The following MGMT variants were observed in gnomAD, a reference collection of about 807,000 sequenced individuals.
The protein encoded by MGMT is O-6-methylguanine-DNA methyltransferase.
Under a neutral mutation model 15.9 loss-of-function variants are expected in MGMT, and 14 were observed. The observed-to-expected ratio is 0.88, with a 90% confidence interval of 0.58 to 1.37. The LOEUF (loss-of-function observed/expected upper bound fraction) is 1.37, where lower values mean the gene tolerates loss of function less well. MGMT is among the 40% of genes most tolerant of loss of function. MGMT has a pLI of 0.00. For synonymous variants in MGMT, 130 were observed against 118.2 expected, an observed-to-expected ratio of 1.10 and a Z score of -0.65; for missense variants, 282 against 268.1, an observed-to-expected ratio of 1.05 and a Z score of -0.36.
chr10:129,543,819 A>C (rs1846070674), intron 2 of MGMT, among the ~76,000 whole-genome samples: 1 of 152,232 alleles, frequency 6.6e-6, no homozygotes, highest in African/African-American at 2.4e-5. Flanking sequence ...ATTTAATTTT[A>C]AGTCTGCCAG....
At chr10:129,647,560 T>C (rs1426554407) in intron 2 of MGMT, among the ~76,000 whole-genome samples, 2 of 152,164 alleles carry the variant, frequency 1.3e-5, no homozygotes, top group Admixed American at 1.3e-4. Flanking sequence ...AGAAGAACTA[T>C]TTCACCAGCC....
rs551245952 is a variant in MGMT at position 129,659,289 on chromosome 10, G to A, written c.126-48606G>A. ...GGAGAATTGCTTGAACCTGGGAGGCGGAGGTTGCAGTGAGCCAAGATCGCA... is the reference window on the plus strand; with the variant it reads ...GGAGAATTGCTTGAACCTGGGAGGCAGAGGTTGCAGTGAGCCAAGATCGCA... On this transcript the variant is annotated intron_variant, in intron 2 of 4. Coordinates refer to ENST00000651593, the MANE Select transcript of MGMT (RefSeq NM_002412.5). The surrounding 1 kb of genome is among the most constrained non-coding windows in gnomAD (Gnocchi z 4.1). 9.2e-5 allele frequency among the ~76,000 whole-genome samples: 14 copies of A among 151,832 alleles called. No individual in the cohort carries two copies. Among genetic ancestry groups the A allele is most frequent in the African/African-American group, 3.2e-4 (13 of 41,224 alleles).
chr10:129,514,079 C>T (rs1433345432), intron 1 of MGMT, among the ~76,000 whole-genome samples: 2 of 152,226 alleles, frequency 1.3e-5, no homozygotes, highest in African/African-American at 4.8e-5. Flanking sequence ...AGATTTTCAT[C>T]TGTGAATGTT....
chr10:129,631,891 A>G (rs2133083241), intron 2 of MGMT, among the ~76,000 whole-genome samples: 1 of 152,352 alleles, frequency 6.6e-6, no homozygotes, highest in East Asian at 1.9e-4. Flanking sequence ...TTTATGTTTT[A>G]TCAGTCCTTC....
chr10:129,731,581 A>G (rs147328690), intron 3 of MGMT, among the ~76,000 whole-genome samples: 174 of 151,850 alleles, frequency 1.1e-3, no homozygotes, highest in African/African-American at 3.7e-3. Context: ...TTTTTAGTAG[A>G]GTTGCGGTTT....
At chr10:129,633,074 G>T (rs1183514533) in intron 2 of MGMT, among the ~76,000 whole-genome samples, 2 of 152,160 alleles carry the variant, frequency 1.3e-5, no homozygotes, top group Non-Finnish European at 2.9e-5. Context: ...GGATGTTTTT[G>T]TATGATGCTG....
chr10:129,671,315 A>G lies in MGMT; in HGVS notation c.126-36580A>G, dbSNP rs555650718. On this transcript the variant is annotated intron_variant, in intron 2 of 4. Transcript: ENST00000651593. Reference sequence around the variant, plus strand: ...GCTGTCACCTTGGTAGCTTGAAGTCAGTCCTGGTAGGAATATTTACACAGC... The same window carrying G: ...GCTGTCACCTTGGTAGCTTGAAGTCGGTCCTGGTAGGAATATTTACACAGC... 1.1e-4 allele frequency among the ~76,000 whole-genome samples: 16 copies of G among 152,340 alleles called. No homozygotes were observed. In the South Asian group the frequency reaches 3.3e-3, roughly 32 times the overall value.
intron 1 of MGMT, among the ~76,000 whole-genome samples, chr10:129,502,925 C>G (rs1295695082): frequency 6.6e-6 from 1 of 152,076 alleles, no homozygotes; most frequent in Non-Finnish European, 1.5e-5. Flanking sequence ...CAGAGAAGCA[C>G]TTTTTCTTTT....
chr10:129,746,730 A>AATT (rs1564783577), intron 3 of MGMT, among the ~76,000 whole-genome samples: 1 of 152,116 alleles, frequency 6.6e-6, no homozygotes, highest in East Asian at 1.9e-4. Flanking sequence ...GCAAATACAT[A>AATT]ATTATTATTA....
intron 3 of MGMT, among the ~76,000 whole-genome samples, chr10:129,741,668 G>T (rs983951839): frequency 2.6e-5 from 4 of 152,196 alleles, no homozygotes; most frequent in Non-Finnish European, 5.9e-5. Context: ...GATATTTCGA[G>T]TGGGGTCACC....
chr10:129,499,859 A>G (rs1845557952), intron 1 of MGMT, among the ~76,000 whole-genome samples: 1 of 152,238 alleles, frequency 6.6e-6, no homozygotes, highest in Non-Finnish European at 1.5e-5. Flanking sequence ...AAAGACTGTG[A>G]AGTAGCTGAC....
chr10:129,503,657 C>T (rs1845597242), intron 1 of MGMT, among the ~76,000 whole-genome samples: 1 of 152,194 alleles, frequency 6.6e-6, no homozygotes, highest in Admixed American at 6.5e-5. Flanking sequence ...AACGAGAATG[C>T]ATTTTGAAGG....
rs147162882 is a variant in MGMT, at chr10:129,507,076, C to T, written c.-12-29165C>T. 7.2e-5 allele frequency among the ~76,000 whole-genome samples: 11 copies of T among 152,308 alleles called. No homozygotes were observed. The East Asian group carries it at 2.1e-3, about 29-fold the overall frequency. On this transcript the variant is annotated intron_variant, in intron 1 of 4. Transcript: ENST00000651593. Reference sequence around the variant, plus strand: ...GGGGTTCCAGTGCTATGTTATGATGCTTTGCCAGGCTACAGTGGAGAGCTA... The same window carrying T: ...GGGGTTCCAGTGCTATGTTATGATGTTTTGCCAGGCTACAGTGGAGAGCTA...
chr10:129,734,880 T>C (rs1848542483), intron 3 of MGMT, among the ~76,000 whole-genome samples: 1 of 152,270 alleles, frequency 6.6e-6, no homozygotes, highest in South Asian at 2.1e-4. Context: ...TTTGCATATA[T>C]TGAACCAGCC....
intron 3 of MGMT, among the ~76,000 whole-genome samples, chr10:129,751,095 G>T (rs1382798249): frequency 6.6e-6 from 1 of 151,830 alleles, no homozygotes; most frequent in East Asian, 1.9e-4. Flanking sequence ...TCCTTTCTCT[G>T]GAAAAAATTA....
In MGMT at chr10:129,555,827, T is replaced by C. The variant is rs567353435; in HGVS notation, c.125+19450T>C. On this transcript the variant is annotated intron_variant, in intron 2 of 4. Transcript: ENST00000651593. ...GATTATAGAGATGGGAGGTGAAAAG[T>C]AGCACGAATTCCAAGTTTTATTTTC... Among the ~76,000 whole-genome samples, 4 of 152,344 alleles carry C rather than the reference T, an allele frequency of 2.6e-5. No individual in the cohort carries two copies. The South Asian group carries it at 8.3e-4, about 32-fold the overall frequency.
At chr10:129,561,107 C>T (rs540105301) in intron 2 of MGMT, among the ~76,000 whole-genome samples, 21 of 152,166 alleles carry the variant, frequency 1.4e-4, no homozygotes, top group Non-Finnish European at 2.2e-4. Context: ...TCACCCTCTA[C>T]CTGCAGTTGG....
At chr10:129,761,489 G>A (rs1354022077) in intron 4 of MGMT, among the ~76,000 whole-genome samples, 2 of 152,200 alleles carry the variant, frequency 1.3e-5, no homozygotes, top group Admixed American at 1.3e-4. Context: ...AGATGCCGTC[G>A]CTGGTTAGCA....
Position 129,650,294 on chromosome 10 carries a change from G to A in MGMT, c.126-57601G>A, listed in dbSNP as rs115889813. On this transcript the variant is annotated intron_variant, in intron 2 of 4. Transcript: ENST00000651593. Reference sequence around the variant, plus strand: ...TTGTGAACCTCAACGCAAAGCAGGTGTTGTTGTAAATCTGGTGTCTCTGTG... The same window carrying A: ...TTGTGAACCTCAACGCAAAGCAGGTATTGTTGTAAATCTGGTGTCTCTGTG... Among the ~76,000 whole-genome samples, 343 of 152,282 alleles carry A rather than the reference G, an allele frequency of 2.3e-3. 1 individual carries two copies. Among genetic ancestry groups the A allele is most frequent in the African/African-American group, 7.9e-3 (327 of 41,544 alleles).
Sources: allele counts gnomAD v4.1 joint callset (sites outside exome capture counted in the v4.1 genomes callset), GRCh38; gene constraint gnomAD v4.1.1; non-coding constraint Gnocchi (gnomAD v3.1); transcripts MANE v1.5; gene names NCBI Gene and HGNC (gene_info 2026-07-23, HGNC 2026-07-21).